Variants in PCSK5 observed in about 807,000 individuals in gnomAD.
PCSK5 encodes the protein prohormone convertase 5.
In PCSK5, 129 loss-of-function variants were observed where a neutral mutation model predicts 233.2. The ratio of observed to expected loss-of-function variants is 0.55; its 90% CI spans 0.48 to 0.64. PCSK5 has a LOEUF of 0.64. PCSK5 is among the 30% of genes least tolerant of loss of function. The probability of loss-of-function intolerance (pLI) is 0.00; values close to 1 mark genes in which losing one functional copy is unlikely to be tolerated. For missense variants in PCSK5, 2,076 were observed against 2,430.1 expected (o/e 0.85, Z 3.06); for synonymous variants, 825 against 879.2 (o/e 0.94, Z 1.09).
intron 30 of PCSK5, among the ~76,000 whole-genome samples, chr9:76,314,556 A>C (rs1828963583): frequency 6.6e-6 from 1 of 152,174 alleles, no homozygotes; most frequent in Non-Finnish European, 1.5e-5. Context: ...ATGACACAGC[A>C]TCCAGATATT....
At chr9:76,205,080 A>T (rs1587756212) in intron 20 of PCSK5, 1 of 518,292 alleles carries the variant, frequency 1.9e-6, no homozygotes, top group Non-Finnish European at 3.9e-6. Context: ...GTCTTTCCAC[A>T]CTCTCACCAT....
chr9:76,096,978 C>T (rs894259795), intron 8 of PCSK5, among the ~76,000 whole-genome samples: 5 of 151,694 alleles, frequency 3.3e-5, no homozygotes, highest in Non-Finnish European at 7.4e-5. Context: ...TTCGCCCAGG[C>T]TGGAGTACAG....
intron 5 of PCSK5, among the ~76,000 whole-genome samples, chr9:76,048,711 A>G (rs534427930): frequency 6.6e-6 from 1 of 152,362 alleles, no homozygotes; most frequent in East Asian, 1.9e-4. Flanking sequence ...AAATGAAATT[A>G]AATGTGAGAA....
upstream of PCSK5, among the ~76,000 whole-genome samples, chr9:75,890,393 T>G (rs1346502301): frequency 6.6e-6 from 1 of 152,114 alleles, no homozygotes; most frequent in Non-Finnish European, 1.5e-5. Flanking sequence ...TTTCGGGAAG[T>G]GGCGGTAAAT....
intron 3 of PCSK5, among the ~76,000 whole-genome samples, chr9:76,010,865 T>C (rs1380062418): frequency 6.6e-6 from 1 of 152,220 alleles, no homozygotes; most frequent in Non-Finnish European, 1.5e-5. Context: ...ACGTTATTCC[T>C]TTCATTAATG....
intron 14 of PCSK5, 42 bp downstream of exon 14, chr9:76,175,171 C>G: frequency 6.3e-7 from 1 of 1,585,902 alleles, no homozygotes; most frequent in Non-Finnish European, 8.6e-7. Context: ...AAAGAGGCAG[C>G]TCATGCATCA....
At chr9:75,959,737 A>G (rs558395225) in intron 2 of PCSK5, among the ~76,000 whole-genome samples, 1 of 152,214 alleles carries the variant, frequency 6.6e-6, no homozygotes, top group South Asian at 2.1e-4. Context: ...ACCAAGTCCC[A>G]TTGGTTTCAT....
At chr9:76,129,240 A>G (rs1433883392) in intron 9 of PCSK5, among the ~76,000 whole-genome samples, 2 of 140,300 alleles carry the variant, frequency 1.4e-5, no homozygotes, top group African/African-American at 2.6e-5. Flanking sequence ...TTCTATTTCT[A>G]TTTTACATAA....
chr9:76,328,793 G>A (rs1023047879), intron 33 of PCSK5, among the ~76,000 whole-genome samples: 1 of 151,788 alleles, frequency 6.6e-6, no homozygotes, highest in Non-Finnish European at 1.5e-5. Flanking sequence ...GTTTCATTTA[G>A]CTTCCATGTC....
chr9:75,932,625 T>G, intron 2 of PCSK5, 142 bp downstream of exon 2: 1 of 619,904 alleles, frequency 1.6e-6, no homozygotes, highest in South Asian at 2.1e-5. Context: ...GTGTCTATGC[T>G]TCCTCTTTAG....
chr9:76,307,851 G>A (rs1049037630), intron 28 of PCSK5, among the ~76,000 whole-genome samples: 4 of 151,998 alleles, frequency 2.6e-5, no homozygotes, highest in Non-Finnish European at 5.9e-5. Context: ...AAGAAAAGAA[G>A]TTCCTCCACG....
At chr9:76,032,111 A>G (rs868157788) in intron 5 of PCSK5, among the ~76,000 whole-genome samples, 1 of 152,164 alleles carries the variant, frequency 6.6e-6, no homozygotes, top group African/African-American at 2.4e-5. Context: ...TGAATTTGAT[A>G]TAAAATAGTG....
chr9:76,293,844 A>G (rs1361000297), intron 25 of PCSK5, among the ~76,000 whole-genome samples: 2 of 152,270 alleles, frequency 1.3e-5, no homozygotes, highest in Admixed American at 1.3e-4. Context: ...CAAGAAACAA[A>G]CATATATAAT....
chr9:76,189,410 C>T (rs921227217), intron 19 of PCSK5, among the ~76,000 whole-genome samples, 187 bp downstream of exon 19: 1 of 152,154 alleles, frequency 6.6e-6, no homozygotes, highest in African/African-American at 2.4e-5. Context: ...GCCTCAGGGG[C>T]ACCTTAAAAC....
intron 12 of PCSK5, among the ~76,000 whole-genome samples, chr9:76,162,632 T>C (rs1822914075): frequency 6.6e-6 from 1 of 152,088 alleles, no homozygotes; most frequent in Non-Finnish European, 1.5e-5. Context: ...GACCCTTGTC[T>C]TTTTTTCAGA....
intron 1 of PCSK5, among the ~76,000 whole-genome samples, chr9:75,891,996 C>T (rs1231909045): frequency 6.6e-6 from 1 of 152,116 alleles, no homozygotes; most frequent in Non-Finnish European, 1.5e-5. Flanking sequence ...TCTAGGCTTT[C>T]TCGCCTTAAG....
At chr9:75,950,310 A>G (rs1428201500) in intron 2 of PCSK5, among the ~76,000 whole-genome samples, 1 of 152,142 alleles carries the variant, frequency 6.6e-6, no homozygotes, top group East Asian at 1.9e-4. Flanking sequence ...AGACAGGAAT[A>G]TATCAGGCAA....
intron 35 of PCSK5, 139 bp from the exon 36 acceptor site, chr9:76,350,689 T>C: frequency 1.7e-6 from 1 of 603,424 alleles, no homozygotes; most frequent in Non-Finnish European, 2.9e-6. Flanking sequence ...GGGAGACTTT[T>C]TTCTTTTTCG....
chr9:76,145,755 A>G (rs1466500013), intron 10 of PCSK5, among the ~76,000 whole-genome samples: 1 of 152,212 alleles, frequency 6.6e-6, no homozygotes, highest in Non-Finnish European at 1.5e-5. Context: ...AACAAGATGA[A>G]AGGGGGCTTA....
Sources: allele counts gnomAD v4.1 joint callset (sites outside exome capture counted in the v4.1 genomes callset), GRCh38; gene constraint gnomAD v4.1.1; transcripts MANE v1.5; gene names NCBI Gene and HGNC (gene_info 2026-07-23, HGNC 2026-07-21).